The following ACAN variants were observed in gnomAD, a reference collection of about 807,000 sequenced individuals.
ACAN encodes the protein aggrecan core protein.
ACAN carries 47 observed loss-of-function variants against 169.1 expected under a neutral mutation model. The ratio of observed to expected loss-of-function variants is 0.28; its 90% CI spans 0.22 to 0.35. The LOEUF (loss-of-function observed/expected upper bound fraction) is 0.35, where lower values mean the gene tolerates loss of function less well. Ranked by LOEUF, ACAN falls within the 10% of genes least tolerant of loss-of-function variation. The pLI is 1.00. For synonymous variants in ACAN, 1,115 were observed against 1,112.2 expected (o/e 1.00, Z -0.05); for missense variants, 2,716 against 2,759.9 (o/e 0.98, Z 0.36).
rs1188573286 is a variant in ACAN at position 88,866,870 on chromosome 15, G to A, written c.6947-1346G>A. Among the ~76,000 whole-genome samples, 1 of 152,154 alleles carries A rather than the reference G, an allele frequency of 6.6e-6. No homozygotes were observed. The highest frequency in any genetic ancestry group is 1.5e-5 in the Non-Finnish European group (1 of 68,032). Reference sequence around the variant, plus strand: ...TCTGAGATCCTATTCCCACCACAGGGCTTCGCTGTCCTGCAGAGCCCACCT... The same window carrying A: ...TCTGAGATCCTATTCCCACCACAGGACTTCGCTGTCCTGCAGAGCCCACCT... On this transcript the variant is annotated intron_variant, in intron 13 of 18. Coordinates refer to ENST00000560601, the MANE Select transcript of ACAN (RefSeq NM_001369268.1). The surrounding 1 kb of genome is among the most constrained non-coding windows in gnomAD (Gnocchi z 5.6).
In ACAN at chr15:88,857,674, T is replaced by C; in HGVS notation, c.5089T>C (p.Ser1697Pro). Residue 1697 changes from serine (S) to proline (P), a missense_variant, in exon 12 of 19, where the codon TCC becomes CCC. Ser to Pro is a moderately conservative substitution (Grantham distance 74). Transcript: ENST00000560601. Reference sequence around the variant, plus strand: ...TGCAGGAGAAATATCTGGACTGCCCTCCAGTGAGCTGGACATTAGTGGGAG... The same window carrying C: ...TGCAGGAGAAATATCTGGACTGCCCCCCAGTGAGCTGGACATTAGTGGGAG... ...SGAGEISGLP[S>P]SELDISGRAS... 6.2e-7 allele frequency: 1 copy of C among 1,614,004 alleles called. No individual in the cohort carries two copies. Among genetic ancestry groups the C allele is most frequent in the Non-Finnish European group, 8.5e-7 (1 of 1,179,888 alleles).
chr15:88,842,776 T>C (rs1036130910), intron 5 of ACAN, among the ~76,000 whole-genome samples: 5 of 152,006 alleles, frequency 3.3e-5, no homozygotes, highest in Non-Finnish European at 4.4e-5. Flanking sequence ...CCCCTGTGAG[T>C]GGATGCCGTC....
In ACAN at chr15:88,868,200, C is replaced by A. The variant is rs1439428139; in HGVS notation, c.6947-16C>A. On this transcript the variant is annotated splice_polypyrimidine_tract_variant and intron_variant, in intron 13 of 18. Transcript: ENST00000560601. This position sits in a 1 kb window ranked among gnomAD's most constrained non-coding sequence, Gnocchi z 5.2. ...TGCCGGCAGGAGTCCTAATGGTGGC[C>A]CTTGGTTTCTTGCAGACATTGATGA... The A allele has an allele frequency of 2.9e-6, 2 of 701,596 alleles. No individual in the cohort carries two copies. Among genetic ancestry groups the A allele is most frequent in the Admixed American group, 2.0e-5 (1 of 49,888 alleles). The allele number at this position is 701,596 out of a possible 1,614,324, so 43.5% of individuals were successfully genotyped here.
intron 1 of ACAN, among the ~76,000 whole-genome samples, chr15:88,816,259 T>G (rs1439336585): frequency 6.6e-6 from 1 of 152,230 alleles, no homozygotes; most frequent in Admixed American, 6.5e-5. Flanking sequence ...ATAAGGTATC[T>G]TTTTTTGGTG....
Position 88,860,240 on chromosome 15 carries a change from C to T in ACAN, c.6833-86C>T, listed in dbSNP as rs1043605506. 3 of 959,948 alleles carry T rather than the reference C, an allele frequency of 3.1e-6. 1 individual carries two copies. Among genetic ancestry groups the T allele is most frequent in the South Asian group, 3.3e-5 (2 of 61,490 alleles). 59.5% of individuals were successfully genotyped at this position (959,948 alleles called of 1,614,324 possible). On this transcript the variant is annotated intron_variant, in intron 12 of 18. Coordinates refer to ENST00000560601, the MANE Select transcript of ACAN (RefSeq NM_001369268.1). ...AGCCAGCCTCGTGGACTTCAGGAAC[C>T]TCATGCCCCAACTTTGAGGTCTTGG...
Position 88,849,577 on chromosome 15 carries a change from C to T in ACAN, c.1872C>T (p.Ala624=), listed in dbSNP as rs371543651. The part of the protein sequence containing the change: ...AWSRGLDKCY[A]GWLADGSLRY... ...GCCGCGGCCTGGACAAGTGCTATGC[C>T]GGCTGGCTGGCCGACGGCAGCCTCC... Residue 624 remains alanine (A), a synonymous_variant, in exon 10 of 19, where the codon GCC becomes GCT. Coordinates refer to ENST00000560601, the MANE Select transcript of ACAN (RefSeq NM_001369268.1). The surrounding 1 kb of genome is among the most constrained non-coding windows in gnomAD (Gnocchi z 5.1). The T allele has an allele frequency of 8.1e-6, 13 of 1,607,710 alleles. No homozygotes were observed. Among genetic ancestry groups the T allele is most frequent in the Middle Eastern group, 1.6e-4 (1 of 6,074 alleles).
chr15:88,860,491 T>G, intron 13 of ACAN, 52 bp downstream of exon 13: 1 of 1,520,828 alleles, frequency 6.6e-7, no homozygotes, highest in Non-Finnish European at 9.0e-7. Flanking sequence ...TGGACAGACT[T>G]CTTCATCCCC....
chr15:88,854,823 ACTTCAT>A, intron 11 of ACAN, 23 bp from the exon 12 acceptor site: 2 of 1,427,332 alleles, frequency 1.4e-6, no homozygotes, highest in Non-Finnish European at 1.8e-6. Flanking sequence ...ATAAACCCAC[ACTTCAT>A]CTTTCTTCCT....
intron 1 of ACAN, among the ~76,000 whole-genome samples, chr15:88,810,701 C>A (rs1895799928): frequency 1.3e-5 from 2 of 152,318 alleles, no homozygotes; most frequent in Admixed American, 1.3e-4. Flanking sequence ...AGTTAGCCTT[C>A]AGTCCCTAAA....
In ACAN at chr15:88,843,486, T is replaced by C; in HGVS notation, c.889T>C (p.Cys297Arg). The change falls in exon 6 of 19, where the codon TGC (cysteine) becomes CGC (arginine). Residue 297 changes from cysteine to arginine, a missense_variant. Around this residue, in one of 3 missense-constraint regions of ACAN, gnomAD observed 1,283 missense variants for 1,281.5 expected, o/e 1.00. Coordinates refer to ENST00000560601, the MANE Select transcript of ACAN (RefSeq NM_001369268.1). This position sits in a 1 kb window ranked among gnomAD's most constrained non-coding sequence, Gnocchi z 4.0. ...YLAWQAGMDM[C>R]SAGWLADRSV... is the part of the protein sequence containing the mutation. The stretch of plus-strand genomic sequence containing the variant: ...GGCCTGGCAGGCTGGCATGGACATG[T>C]GCAGCGCCGGCTGGCTGGCCGACCG... 1.9e-6 allele frequency: 3 copies of C among 1,612,174 alleles called. No individual in the cohort carries two copies. Among genetic ancestry groups the C allele is most frequent in the Non-Finnish European group, 2.5e-6 (3 of 1,179,414 alleles).
Position 88,858,575 on chromosome 15 carries a change from A to G in ACAN, c.5990A>G (p.Glu1997Gly). ...TCCGGGCTGATAGAGCCCAGCGGAG[A>G]GCCACCAGGTACTCCATATTTTAGT... The part of the protein sequence containing the change: ...LQSGLIEPSG[E>G]PPGTPYFSGD... The change falls in exon 12 of 19, where the codon GAG becomes GGG. Residue 1997 changes from glutamate to glycine, a missense_variant. Glu to Gly is a moderately conservative substitution (Grantham distance 98). Coordinates refer to ENST00000560601, the MANE Select transcript of ACAN (RefSeq NM_001369268.1). The surrounding 1 kb of genome is among the most constrained non-coding windows in gnomAD (Gnocchi z 4.0). 1 of 1,613,898 alleles carries G rather than the reference A, an allele frequency of 6.2e-7. No homozygotes were observed. The highest frequency in any genetic ancestry group is 8.5e-7 in the Non-Finnish European group (1 of 1,179,888).
chr15:88,857,436 G>T lies in ACAN; in HGVS notation c.4851G>T (p.Gly1617=), dbSNP rs763040657. The T allele has an allele frequency of 8.7e-6, 14 of 1,613,770 alleles. No homozygotes were observed. The South Asian group carries it at 1.4e-4, about 16-fold the overall frequency. ...GKLPSGTLGS[G]QAPETSGLPS... ...TGCCTTCTGGAACTCTAGGAAGTGG[G>T]CAAGCTCCAGAAACAAGTGGTCTTC... Residue 1617 remains glycine, a synonymous_variant, in exon 12 of 19, where the codon GGG becomes GGT. Transcript: ENST00000560601.
rs771478914 is a variant in ACAN, at chr15:88,847,393, G to A, written c.1580G>A (p.Gly527Asp). The A allele has an allele frequency of 1.3e-6, 2 of 1,581,844 alleles. No homozygotes were observed. Among genetic ancestry groups the A allele is most frequent in the Non-Finnish European group, 8.6e-7 (1 of 1,161,740 alleles). The change falls in exon 8 of 19, where the codon GGC (glycine) becomes GAC (aspartate). Residue 527 changes from glycine (G) to aspartate (D), a missense_variant. By Grantham distance (94) the Gly-to-Asp change is moderately conservative. This residue lies in a region of ACAN where 1,283 missense variants were observed against 1,281.5 expected (regional missense o/e 1.00). Transcript: ENST00000560601. The stretch of plus-strand genomic sequence containing the variant: ...GCAGGCTATGAGCAGTGTGACGCCG[G>A]CTGGCTGCGGGACCAGACCGTCAGG... ...YEAGYEQCDA[G>D]WLRDQTVRYP...
chr15:88,860,668 A>G (rs1596149767), intron 13 of ACAN, among the ~76,000 whole-genome samples: 1 of 152,204 alleles, frequency 6.6e-6, no homozygotes, highest in South Asian at 2.1e-4. Flanking sequence ...GTTGCTAAGT[A>G]TTTTTATATC....
chr15:88,867,472 A>T (rs1273752122), intron 13 of ACAN, among the ~76,000 whole-genome samples: 1 of 152,186 alleles, frequency 6.6e-6, no homozygotes, highest in African/African-American at 2.4e-5. Flanking sequence ...CTCCCTGGAG[A>T]TAGCCACCTT....
chr15:88,853,887 C>A (rs946964032), intron 11 of ACAN, among the ~76,000 whole-genome samples: 2 of 151,622 alleles, frequency 1.3e-5, no homozygotes, highest in Non-Finnish European at 2.9e-5. Flanking sequence ...GCTTCATGCC[C>A]CACCTCCCCC....
chr15:88,858,167 G>T lies in ACAN; in HGVS notation c.5582G>T (p.Gly1861Val). ...GTGGAACTCAGTGGCCTCCCTTCCG[G>T]AGAGGCAGATCTGTCAGGCAAATCT... is the stretch of plus-strand genomic sequence containing the variant. ...GSVELSGLPSGEADLSGKSGM... is the reference protein window; with the variant it reads ...GSVELSGLPSVEADLSGKSGM... Residue 1861 changes from glycine to valine, a missense_variant, in exon 12 of 19, where the codon GGA (glycine) becomes GTA (valine). Around this residue, in one of 3 missense-constraint regions of ACAN, gnomAD observed 1,389 missense variants for 1,363.7 expected, o/e 1.02. Coordinates refer to ENST00000560601, the MANE Select transcript of ACAN (RefSeq NM_001369268.1). The surrounding 1 kb of genome is among the most constrained non-coding windows in gnomAD (Gnocchi z 4.0). 6.2e-7 allele frequency: 1 copy of T among 1,613,954 alleles called. No homozygotes were observed. The highest frequency in any genetic ancestry group is 1.1e-5 in the South Asian group (1 of 91,080).
intron 13 of ACAN, among the ~76,000 whole-genome samples, chr15:88,863,850 G>T (rs1377124947): frequency 1.3e-5 from 2 of 152,256 alleles, no homozygotes; most frequent in Non-Finnish European, 2.9e-5. Context: ...TTCCTGGGCA[G>T]ATTTTAACAG....
intron 4 of ACAN, among the ~76,000 whole-genome samples, chr15:88,840,704 A>C (rs1280950663): frequency 6.6e-6 from 1 of 151,978 alleles, no homozygotes; most frequent in South Asian, 2.1e-4. Context: ...CCAACAGCCA[A>C]AAACACAAAG....
Sources: gnomAD v4.1 joint callset for allele counts (sites outside exome capture counted in the v4.1 genomes callset) on GRCh38, gnomAD v4.1.1 for gene constraint, gnomAD v4.1.1 regional missense constraint, Gnocchi (gnomAD v3.1) non-coding constraint, MANE v1.5 for transcripts, NCBI Gene and HGNC (gene_info 2026-07-23, HGNC 2026-07-21) for gene names.